The following TEAD1 variants were observed in gnomAD, a reference collection of about 807,000 sequenced individuals.
TEAD1 encodes transcriptional enhancer factor TEF-1.
A neutral mutation model predicts 54.9 loss-of-function variants in TEAD1; 9 were observed. The observed-to-expected ratio is 0.16, with a 90% CI of 0.10 to 0.29. The LOEUF is 0.29. TEAD1 is among the 10% of genes least tolerant of loss of function. The pLI is 1.00. For missense variants in TEAD1, 387 were observed against 535.9 expected (o/e 0.72, Z 2.74); for synonymous variants, 200 against 187.8 (o/e 1.07, Z -0.53).
intron 2 of TEAD1, among the ~76,000 whole-genome samples, chr11:12,695,518 T>C (rs1590059999): frequency 1.3e-5 from 2 of 152,216 alleles, no homozygotes; most frequent in South Asian, 4.1e-4. Flanking sequence ...TTATCGTCTC[T>C]AGACCAAGTT....
intron 10 of TEAD1, among the ~76,000 whole-genome samples, chr11:12,910,747 CT>C (rs5789752): frequency 0.012 from 1,486 of 119,888 alleles, 9 homozygotes; most frequent in Non-Finnish European, 0.019. Context: ...ACTTAATTTG[CT>C]TTTTTTTTTT....
At chr11:12,764,061 C>A in intron 2 of TEAD1, 118 bp from the exon 3 acceptor site, 2 of 687,510 alleles carry the variant, frequency 2.9e-6, no homozygotes, top group Non-Finnish European at 4.7e-6. Context: ...CCCAAAAAGA[C>A]TGAAATAATA....
At chr11:12,687,255 G>C (rs1164289014) in intron 2 of TEAD1, among the ~76,000 whole-genome samples, 1 of 152,216 alleles carries the variant, frequency 6.6e-6, no homozygotes, top group African/African-American at 2.4e-5. Context: ...GAAAGGTCCT[G>C]GAAAACTTAT....
chr11:12,928,589 CTGTT>C (rs1264784824), intron 11 of TEAD1, among the ~76,000 whole-genome samples: 2 of 152,028 alleles, frequency 1.3e-5, no homozygotes, highest in Non-Finnish European at 2.9e-5. Flanking sequence ...TTTCAATAAC[CTGTT>C]TGCCAAATTT....
chr11:12,902,681 C>T (rs1187223034), intron 10 of TEAD1, among the ~76,000 whole-genome samples: 4 of 152,180 alleles, frequency 2.6e-5, no homozygotes, highest in Non-Finnish European at 5.9e-5. Context: ...TATGATTCCT[C>T]AGCCTTTACA....
intron 2 of TEAD1, among the ~76,000 whole-genome samples, chr11:12,696,627 T>A (rs1226314811): frequency 2.6e-5 from 4 of 152,150 alleles, no homozygotes; most frequent in South Asian, 2.1e-4. Context: ...TATAATGAAC[T>A]CGTATTCCCT....
intron 2 of TEAD1, among the ~76,000 whole-genome samples, chr11:12,712,188 T>A (rs1564914884): frequency 6.6e-6 from 1 of 152,222 alleles, no homozygotes; most frequent in Non-Finnish European, 1.5e-5. Context: ...TCTGTCCGTC[T>A]GCCCGTCCAT....
At chr11:12,877,860 T>G (rs567132036) in intron 5 of TEAD1, among the ~76,000 whole-genome samples, 1 of 151,398 alleles carries the variant, frequency 6.6e-6, no homozygotes, top group Admixed American at 6.6e-5. Context: ...AGTGGCTTGA[T>G]GAACACAGCT....
chr11:12,883,021 C>G lies in TEAD1; in HGVS notation c.595C>G (p.Pro199Ala), dbSNP rs780231125. The change falls in exon 9 of 13, where the codon CCA becomes GCA. Residue 199 changes from proline to alanine, a missense_variant. This residue lies in a region of TEAD1 where 180 missense variants were observed against 180.6 expected (regional missense o/e 1.00). Coordinates refer to ENST00000527636, the MANE Select transcript of TEAD1 (RefSeq NM_021961.6). ...TTCAGGGTTTGAGCCTGCATCGGCC[C>G]CAGCTCCCTCAGTCCCTGCCTGGCA... The G allele has an allele frequency of 6.2e-7, 1 of 1,614,164 alleles. No individual in the cohort carries two copies. Among genetic ancestry groups the G allele is most frequent in the South Asian group, 1.1e-5 (1 of 91,084 alleles).
intron 2 of TEAD1, among the ~76,000 whole-genome samples, chr11:12,753,169 T>C (rs535207545): frequency 6.6e-6 from 1 of 152,322 alleles, no homozygotes; most frequent in South Asian, 2.1e-4. Flanking sequence ...TTATATGTCC[T>C]ATTGTTAATA....
intron 3 of TEAD1, among the ~76,000 whole-genome samples, chr11:12,815,067 G>A (rs1322009149): frequency 6.6e-6 from 1 of 152,190 alleles, no homozygotes; most frequent in African/African-American, 2.4e-5. Context: ...AGGGAAAGAC[G>A]CAGGCAAGCT....
At chr11:12,853,864 G>C (rs4757954) in intron 3 of TEAD1, among the ~76,000 whole-genome samples, 150,210 of 152,296 alleles carry the variant, frequency 0.99, 74,114 homozygotes, top group Middle Eastern at 1. Flanking sequence ...GACACTCACT[G>C]GCAGGGATAT....
At chr11:12,857,474 C>T (rs1307029411) in intron 3 of TEAD1, among the ~76,000 whole-genome samples, 1 of 152,028 alleles carries the variant, frequency 6.6e-6, no homozygotes, top group Non-Finnish European at 1.5e-5. Flanking sequence ...CAGGTGACTG[C>T]AGGATTGTTT....
Position 12,864,902 on chromosome 11 carries a change from T to G in TEAD1, c.330+2T>G. The G allele has an allele frequency of 1.9e-6, 3 of 1,614,146 alleles. No individual in the cohort carries two copies. Among genetic ancestry groups the G allele is most frequent in the Non-Finnish European group, 2.5e-6 (3 of 1,180,034 alleles). On this transcript the variant is annotated splice_donor_variant, in intron 5 of 12. Coordinates refer to ENST00000527636, the MANE Select transcript of TEAD1 (RefSeq NM_021961.6). LOFTEE classifies it high-confidence loss of function. ...CGTGATTTTCATTCCAAGCTAAAGGTATGCGCTTTTCTGCTTTTTGGCTTG... is the reference window on the plus strand; with the variant it reads ...CGTGATTTTCATTCCAAGCTAAAGGGATGCGCTTTTCTGCTTTTTGGCTTG...
chr11:12,750,696 A>C lies in TEAD1; in HGVS notation c.-54-13483A>C, dbSNP rs1446798667. On this transcript the variant is annotated intron_variant, in intron 2 of 12. Transcript: ENST00000527636. ...GCCCCCTGTGATTGACTCAGCTTACATTTTCAGCCTCTGCTCTAGCCTTTC... is the reference window on the plus strand; with the variant it reads ...GCCCCCTGTGATTGACTCAGCTTACCTTTTCAGCCTCTGCTCTAGCCTTTC... 2.0e-5 allele frequency among the ~76,000 whole-genome samples: 3 copies of C among 152,024 alleles called. No homozygotes were observed. The East Asian group carries it at 5.8e-4, about 30-fold the overall frequency.
chr11:12,772,335 G>A (rs982009361), intron 3 of TEAD1, among the ~76,000 whole-genome samples: 4 of 152,176 alleles, frequency 2.6e-5, no homozygotes, highest in African/African-American at 7.2e-5. Context: ...GTTAGTTGGG[G>A]AAAAGAATTT....
intron 10 of TEAD1, among the ~76,000 whole-genome samples, chr11:12,915,029 G>T (rs546439024): frequency 6.6e-6 from 1 of 152,348 alleles, no homozygotes. Flanking sequence ...GCAGCCATCA[G>T]TGCCTATTAG....
chr11:12,747,369 TATGTCATCCAGG>T (rs1944768252), intron 2 of TEAD1, among the ~76,000 whole-genome samples: 1 of 152,224 alleles, frequency 6.6e-6, no homozygotes, highest in Non-Finnish European at 1.5e-5. Flanking sequence ...GATGTCTTGC[TATGTCATCCAGG>T]CTGGAGTGCA....
chr11:12,717,028 C>T (rs532875052), intron 2 of TEAD1, among the ~76,000 whole-genome samples: 74 of 152,332 alleles, frequency 4.9e-4, no homozygotes, highest in Non-Finnish European at 7.9e-4. Context: ...GGTACCAACT[C>T]ACATACCATA....
Sources: gnomAD v4.1 joint callset for allele counts (sites outside exome capture counted in the v4.1 genomes callset) on GRCh38, gnomAD v4.1.1 for gene constraint, gnomAD v4.1.1 regional missense constraint, MANE v1.5 for transcripts, NCBI Gene and HGNC (gene_info 2026-07-23, HGNC 2026-07-21) for gene names.